TNKS: variants seen among roughly 807,000 people sequenced by gnomAD.
The protein encoded by TNKS is poly [ADP-ribose] polymerase tankyrase-1.
Under a neutral mutation model 135.8 loss-of-function variants are expected in TNKS, and 72 were observed. That is an observed-to-expected ratio of 0.53 (90% CI 0.44 to 0.64). TNKS has a LOEUF of 0.64. Ranked by LOEUF, TNKS falls within the 30% of genes least tolerant of loss-of-function variation. The probability of loss-of-function intolerance (pLI) is 0.00; values close to 1 mark genes in which losing one functional copy is unlikely to be tolerated. For synonymous variants in TNKS, 849 were observed against 649.3 expected, an observed-to-expected ratio of 1.31 and a Z score of -4.68; for missense variants, 1,769 against 1,674.0, an observed-to-expected ratio of 1.06 and a Z score of -0.99.
Position 9,781,531 on chromosome 8 carries a change from C to G in TNKS, c.*4795C>G, listed in dbSNP as rs555543787. On this transcript the variant is annotated 3_prime_UTR_variant, in exon 27 of 27. Coordinates refer to ENST00000310430, the MANE Select transcript of TNKS (RefSeq NM_003747.3). ...ACCTTGAGTATGTAAACATTGTCTC[C>G]GTGACACAAAACACTGAAACTCTTC... 5.3e-5 allele frequency: 8 copies of G among 152,234 alleles called. No individual in the cohort carries two copies. Among genetic ancestry groups the G allele is most frequent in the Non-Finnish European group, 1.2e-4 (8 of 68,026 alleles). The allele number at this position is 152,234 out of a possible 1,614,324, so 9.4% of individuals were successfully genotyped here.
chr8:9,661,438 C>G (rs904970922), intron 3 of TNKS, among the ~76,000 whole-genome samples: 2 of 152,092 alleles, frequency 1.3e-5, no homozygotes, highest in Non-Finnish European at 2.9e-5. Context: ...CGCATATCTA[C>G]AACTATCTGA....
intron 1 of TNKS, among the ~76,000 whole-genome samples, chr8:9,564,848 T>A (rs534739481): frequency 3.1e-4 from 47 of 152,312 alleles, no homozygotes; most frequent in Admixed American, 2.2e-3. Context: ...TTACGGGGCT[T>A]AATAAAACCA....
intron 3 of TNKS, among the ~76,000 whole-genome samples, chr8:9,631,694 C>T (rs1800295389): frequency 6.7e-6 from 1 of 150,338 alleles, no homozygotes; most frequent in Non-Finnish European, 1.5e-5. Flanking sequence ...TTTGACTTTC[C>T]ATCTTATTTC....
In TNKS at chr8:9,651,843, C is replaced by A. The variant is rs529174339; in HGVS notation, c.995-28108C>A. Among the ~76,000 whole-genome samples the A allele has an allele frequency of 3.9e-5, 6 of 152,242 alleles. No homozygotes were observed. The East Asian group carries it at 1.2e-3, about 29-fold the overall frequency. Reference sequence around the variant, plus strand: ...CCTCAATATTTAACATACTGCTGATCCTAGGTTAATTTTTTAATTTATCCC... The same window carrying A: ...CCTCAATATTTAACATACTGCTGATACTAGGTTAATTTTTTAATTTATCCC... On this transcript the variant is annotated intron_variant, in intron 3 of 26. Transcript: ENST00000310430.
chr8:9,569,283 A>G (rs184900720), intron 1 of TNKS, among the ~76,000 whole-genome samples: 1 of 152,356 alleles, frequency 6.6e-6, no homozygotes, highest in Non-Finnish European at 1.5e-5. Flanking sequence ...CATAGCACAC[A>G]CACATCATAA....
chr8:9,769,623 T>TG (rs1563223406), intron 25 of TNKS, among the ~76,000 whole-genome samples: 10 of 137,014 alleles, frequency 7.3e-5, no homozygotes, highest in African/African-American at 2.9e-4. Context: ...TTTTTTTTTT[T>TG]TTTTTTTTTT....
At chr8:9,615,492 T>C in intron 2 of TNKS, 90 bp from the exon 3 acceptor site, 4 of 1,038,482 alleles carry the variant, frequency 3.9e-6, no homozygotes, top group Non-Finnish European at 5.5e-6. Context: ...GCAATGTATG[T>C]TTATGCCTAC....
rs1805238934 is a variant in TNKS at position 9,727,839 on chromosome 8, G to C, written c.2001+1119G>C. On this transcript the variant is annotated intron_variant, in intron 13 of 26. Coordinates refer to ENST00000310430, the MANE Select transcript of TNKS (RefSeq NM_003747.3). ...ACATCCAACTTACGATAGCATCTAA[G>C]TTATTTAAAGAATAATAGTAAATTT... Among the ~76,000 whole-genome samples, 4 of 152,160 alleles carry C rather than the reference G, an allele frequency of 2.6e-5. No individual in the cohort carries two copies. In the South Asian group the frequency reaches 8.3e-4, roughly 31 times the overall value.
chr8:9,709,859 A>G, intron 9 of TNKS, 96 bp from the exon 10 acceptor site: 1 of 854,560 alleles, frequency 1.2e-6, no homozygotes, highest in Non-Finnish European at 1.9e-6. Context: ...CTCTGAGATA[A>G]CAATGTTTTA....
In TNKS at chr8:9,647,333, C is replaced by G. The variant is rs563280671; in HGVS notation, c.994+31656C>G. ...AGGGATAGAACAGTTGGATTTTGCC[C>G]CTTTTTGTTTAGTTTGTTCATTGCA... On this transcript the variant is annotated intron_variant, in intron 3 of 26. Transcript: ENST00000310430. Among the ~76,000 whole-genome samples, 5 of 152,118 alleles carry G rather than the reference C, an allele frequency of 3.3e-5. No homozygotes were observed. In the East Asian group the frequency reaches 9.6e-4, roughly 29 times the overall value.
chr8:9,559,468 G>C lies in TNKS; in HGVS notation c.673+2856G>C, dbSNP rs573308829. On this transcript the variant is annotated intron_variant, in intron 1 of 26. Coordinates refer to ENST00000310430, the MANE Select transcript of TNKS (RefSeq NM_003747.3). ...TTTTTCTTTCCAACTTTTAGGTTCAGGGATTACATGTGCAGGTTTGTTACA... is the reference window on the plus strand; with the variant it reads ...TTTTTCTTTCCAACTTTTAGGTTCACGGATTACATGTGCAGGTTTGTTACA... 3.7e-3 allele frequency among the ~76,000 whole-genome samples: 558 copies of C among 152,172 alleles called. 1 individual carries two copies. The highest frequency in any genetic ancestry group is 4.8e-3 in the Non-Finnish European group (325 of 67,986).
Position 9,566,562 on chromosome 8 carries a change from A to G in TNKS, c.673+9950A>G, listed in dbSNP as rs1204917214. ...CTGATCTTCTGACATTCTTAAGTAC[A>G]TAAATATTAATCCTCGTATATTAGC... On this transcript the variant is annotated intron_variant, in intron 1 of 26. Coordinates refer to ENST00000310430, the MANE Select transcript of TNKS (RefSeq NM_003747.3). 4 of 149,958 alleles carry G rather than the reference A, an allele frequency of 2.7e-5. No homozygotes were observed. The East Asian group carries it at 7.8e-4, about 29-fold the overall frequency. The allele number at this position is 149,958 out of a possible 1,614,324, so 9.3% of individuals were successfully genotyped here. A position where few individuals can be genotyped will look rare whatever the true frequency, so the allele number is the denominator to read the frequency against.
At chr8:9,714,619 A>T (rs544329699) in intron 11 of TNKS, among the ~76,000 whole-genome samples, 2 of 152,218 alleles carry the variant, frequency 1.3e-5, no homozygotes, top group African/African-American at 4.8e-5. Flanking sequence ...TAATGCAGTT[A>T]CCAAACTTGA....
At chr8:9,635,651 G>T (rs983428923) in intron 3 of TNKS, among the ~76,000 whole-genome samples, 1 of 152,160 alleles carries the variant, frequency 6.6e-6, no homozygotes, top group Non-Finnish European at 1.5e-5. Flanking sequence ...TAATGAGAAT[G>T]AATTAAGCCT....
chr8:9,691,216 C>T (rs939522188), intron 5 of TNKS, among the ~76,000 whole-genome samples: 1 of 152,276 alleles, frequency 6.6e-6, no homozygotes, highest in East Asian at 1.9e-4. Flanking sequence ...AAAAATCCTG[C>T]ACTGGGAAGG....
chr8:9,771,367 GAAGGGAGGGAGGGAAAGAGAGA>G (rs1469318624), intron 26 of TNKS, among the ~76,000 whole-genome samples: 1 of 79,904 alleles, frequency 1.3e-5, no homozygotes, highest in Admixed American at 1.4e-4. Flanking sequence ...AGAGAGAGAG[GAAGGGAGGGAGGGAAAGAGAGA>G]AAGGGAGGGA....
At position 9,556,432 on chromosome 8, in the gene TNKS, C is replaced by T; in HGVS notation, c.493C>T (p.Leu165=). The T allele has an allele frequency of 1.9e-6, 3 of 1,614,178 alleles. No individual in the cohort carries two copies. The highest frequency in any genetic ancestry group is 2.5e-6 in the Non-Finnish European group (3 of 1,180,034). The change falls in exon 1 of 27, where the codon CTG becomes TTG. Residue 165 remains leucine, a synonymous_variant. Coordinates refer to ENST00000310430, the MANE Select transcript of TNKS (RefSeq NM_003747.3). ...EAAGVSSTAP[L]GPGAAGPGTG... ...GGCCGGAGTTAGCAGCACAGCACCA[C>T]TGGGGCCTGGGGCAGCAGGACCTGG...
At chr8:9,675,472 T>A (rs1802494871) in intron 3 of TNKS, among the ~76,000 whole-genome samples, 1 of 152,202 alleles carries the variant, frequency 6.6e-6, no homozygotes, top group African/African-American at 2.4e-5. Flanking sequence ...AATTAAGGTA[T>A]GCTATGGAAA....
chr8:9,632,668 G>A (rs1418866544), intron 3 of TNKS, among the ~76,000 whole-genome samples: 1 of 152,138 alleles, frequency 6.6e-6, no homozygotes, highest in African/African-American at 2.4e-5. Context: ...AATATCTACT[G>A]AAACATTTGC....
Sources: allele counts gnomAD v4.1 joint callset (sites outside exome capture counted in the v4.1 genomes callset), GRCh38; gene constraint gnomAD v4.1.1; transcripts MANE v1.5; gene names NCBI Gene and HGNC (gene_info 2026-07-23, HGNC 2026-07-21).